Variants in CPQ observed in about 807,000 individuals in gnomAD.
CPQ encodes the protein Ser-Met dipeptidase.
A neutral mutation model predicts 45.7 loss-of-function variants in CPQ; 37 were observed. The ratio of observed to expected loss-of-function variants is 0.81; its 90% CI spans 0.62 to 1.07. CPQ has a LOEUF of 1.07. CPQ is among the 50% of genes least tolerant of loss of function. The pLI is 0.00. For missense variants in CPQ, 537 were observed against 572.9 expected (o/e 0.94, Z 0.64); for synonymous variants, 186 against 205.8 (o/e 0.90, Z 0.82).
chr8:96,960,221 C>T (rs925166642), intron 4 of CPQ, among the ~76,000 whole-genome samples: 46 of 152,204 alleles, frequency 3.0e-4, no homozygotes, highest in African/African-American at 1.1e-3. Context: ...TAATATGCTT[C>T]TGGATTCAAT....
At chr8:97,033,767 C>T (rs1167689720) in intron 6 of CPQ, among the ~76,000 whole-genome samples, 1 of 151,888 alleles carries the variant, frequency 6.6e-6, no homozygotes. Flanking sequence ...CTTTCTTCCC[C>T]CTCACAAAGT....
Position 97,091,528 on chromosome 8 carries a change from T to C in CPQ, c.1255+25318T>C, listed in dbSNP as rs186654267. Among the ~76,000 whole-genome samples, 251 of 152,306 alleles carry C rather than the reference T, an allele frequency of 1.6e-3. 3 individuals are homozygous for C. Among genetic ancestry groups the C allele is most frequent in the Admixed American group, 0.013 (195 of 15,290 alleles). On this transcript the variant is annotated intron_variant, in intron 7 of 7. Transcript: ENST00000220763. ...GAGGCTACTTCTTTTTTAGATCAGA[T>C]ACCTTTGTAGCATAAAATCAGTTTT... is the stretch of plus-strand genomic sequence containing the variant.
At chr8:97,137,074 G>GTGAT (rs533282804) in intron 7 of CPQ, among the ~76,000 whole-genome samples, 8 of 152,226 alleles carry the variant, frequency 5.3e-5, no homozygotes, top group Non-Finnish European at 7.3e-5. Flanking sequence ...ATTCTCACTA[G>GTGAT]TGATTGATAG....
rs186714205 is a variant in CPQ at position 96,784,453 on chromosome 8, A to G, written c.-34-411A>G. Among the ~76,000 whole-genome samples, 22 of 152,082 alleles carry G rather than the reference A, an allele frequency of 1.4e-4. 1 individual carries two copies. Among genetic ancestry groups the G allele is most frequent in the East Asian group, 5.8e-4 (3 of 5,180 alleles). ...ACAGATGACAGCTGAGAAGGCCTCA[A>G]TGGAGGAGTCTGACAGGCAAAGAGG... On this transcript the variant is annotated intron_variant, in intron 1 of 7. Coordinates refer to ENST00000220763, the MANE Select transcript of CPQ (RefSeq NM_016134.4).
intron 7 of CPQ, among the ~76,000 whole-genome samples, chr8:97,108,157 C>T (rs1287318174): frequency 1.3e-5 from 2 of 152,188 alleles, no homozygotes; most frequent in Non-Finnish European, 2.9e-5. Context: ...ATGTAAGTCT[C>T]ACTAATAATG....
chr8:96,701,442 T>C (rs977226964), intron 1 of CPQ, among the ~76,000 whole-genome samples: 2 of 152,152 alleles, frequency 1.3e-5, no homozygotes, highest in African/African-American at 2.4e-5. Context: ...GTTAGATGGG[T>C]GGGATCTGAT....
intron 4 of CPQ, among the ~76,000 whole-genome samples, chr8:96,900,271 A>C (rs1235045547): frequency 6.6e-6 from 1 of 152,182 alleles, no homozygotes; most frequent in Non-Finnish European, 1.5e-5. Flanking sequence ...AACATGAAGC[A>C]ATACAGAAGG....
intron 4 of CPQ, among the ~76,000 whole-genome samples, chr8:96,925,780 C>T (rs1181870361): frequency 6.6e-6 from 1 of 151,396 alleles, no homozygotes; most frequent in Non-Finnish European, 1.5e-5. Flanking sequence ...ACCTCTGCTT[C>T]TTGGGTTCAA....
chr8:96,871,058 A>G (rs1563517366), intron 3 of CPQ, among the ~76,000 whole-genome samples: 1 of 151,956 alleles, frequency 6.6e-6, no homozygotes, highest in Non-Finnish European at 1.5e-5. Context: ...TGCTGTTTGT[A>G]TACATTACTT....
chr8:97,089,112 A>G (rs760153296), intron 7 of CPQ, among the ~76,000 whole-genome samples: 7 of 151,916 alleles, frequency 4.6e-5, no homozygotes, highest in Non-Finnish European at 5.9e-5. Context: ...GTGTGGTGGC[A>G]CACGCCTGTA....
At chr8:96,653,676 T>C (rs1236281062) in intron 1 of CPQ, among the ~76,000 whole-genome samples, 1 of 152,174 alleles carries the variant, frequency 6.6e-6, no homozygotes, top group East Asian at 1.9e-4. Context: ...GAAAATTTTA[T>C]TGAGAAAATC....
chr8:96,708,574 A>G (rs1272344706), intron 1 of CPQ, among the ~76,000 whole-genome samples: 1 of 152,104 alleles, frequency 6.6e-6, no homozygotes, highest in Non-Finnish European at 1.5e-5. Flanking sequence ...ATCTGCTCCA[A>G]TCTTCTATCC....
In CPQ at chr8:97,122,946, TA is replaced by T. The variant is rs1204835812; in HGVS notation, c.1256-20070del. ...ATAAAATAAATAAAATAAAATAAAATAAAATAAAATAAAATAAAATAAAATA... is the reference window on the plus strand; with the variant it reads ...ATAAAATAAATAAAATAAAATAAAATAAATAAAATAAAATAAAATAAAATA... On this transcript the variant is annotated intron_variant, in intron 7 of 7. Transcript: ENST00000220763. 8.2e-4 allele frequency among the ~76,000 whole-genome samples: 52 copies of T among 63,716 alleles called. 4 individuals carry two copies. Among genetic ancestry groups the T allele is most frequent in the African/African-American group, 4.8e-3 (50 of 10,430 alleles). The allele number at this position is 63,716 out of a possible 152,430, so 41.8% of individuals were successfully genotyped here. A position where few individuals can be genotyped will look rare whatever the true frequency, so the allele number is the denominator to read the frequency against.
intron 1 of CPQ, among the ~76,000 whole-genome samples, chr8:96,749,168 G>A (rs1231381658): frequency 2.6e-5 from 4 of 152,080 alleles, no homozygotes; most frequent in Non-Finnish European, 4.4e-5. Context: ...TGAATGTCTT[G>A]TTTTGACTAA....
intron 1 of CPQ, among the ~76,000 whole-genome samples, chr8:96,764,593 T>TA (rs943248192): frequency 7.9e-5 from 12 of 152,162 alleles, no homozygotes; most frequent in Non-Finnish European, 1.8e-4. Flanking sequence ...GTACAGCTGC[T>TA]AAAAAAGTGA....
chr8:97,011,364 T>A (rs1401469431), intron 5 of CPQ, among the ~76,000 whole-genome samples: 3 of 152,178 alleles, frequency 2.0e-5, no homozygotes, highest in Non-Finnish European at 4.4e-5. Flanking sequence ...AATTGGATAG[T>A]TTTAGATGGA....
At chr8:96,947,655 G>A (rs1813208971) in intron 4 of CPQ, among the ~76,000 whole-genome samples, 1 of 152,088 alleles carries the variant, frequency 6.6e-6, no homozygotes, top group African/African-American at 2.4e-5. Context: ...GATAGGGATT[G>A]TAGCCAAGCA....
intron 1 of CPQ, among the ~76,000 whole-genome samples, chr8:96,709,407 G>A (rs151277913): frequency 2.0e-5 from 3 of 150,252 alleles, no homozygotes; most frequent in East Asian, 1.9e-4. Flanking sequence ...CTCTGTCCAT[G>A]TTGCTTCAAA....
intron 4 of CPQ, among the ~76,000 whole-genome samples, chr8:96,965,664 C>G (rs563648058): frequency 3.3e-5 from 5 of 152,154 alleles, no homozygotes; most frequent in Admixed American, 3.3e-4. Context: ...CCACCGCACC[C>G]GGCCAAGCCA....
Sources: gnomAD v4.1 joint callset for allele counts (sites outside exome capture counted in the v4.1 genomes callset) on GRCh38, gnomAD v4.1.1 for gene constraint, MANE v1.5 for transcripts, NCBI Gene and HGNC (gene_info 2026-07-23, HGNC 2026-07-21) for gene names.